Variants in SEMA6D observed in about 807,000 individuals in gnomAD.
The protein encoded by SEMA6D is semaphorin 6D, also known as semaphorin-6D.
Under a neutral mutation model 106.6 loss-of-function variants are expected in SEMA6D, and 35 were observed. The ratio of observed to expected loss-of-function variants is 0.33; its 90% CI spans 0.25 to 0.44. SEMA6D has a LOEUF of 0.44. SEMA6D is among the 20% of genes least tolerant of loss of function. The pLI, the probability that SEMA6D is intolerant of heterozygous loss-of-function variation, is 1.00. For synonymous variants in SEMA6D, 499 were observed against 487.7 expected, an observed-to-expected ratio of 1.02 and a Z score of -0.31; for missense variants, 1,185 against 1,345.9, an observed-to-expected ratio of 0.88 and a Z score of 1.87.
intron 4 of SEMA6D, among the ~76,000 whole-genome samples, chr15:47,611,302 T>C: frequency 6.6e-6 from 1 of 152,216 alleles, no homozygotes; most frequent in East Asian, 1.9e-4. Context: ...ACCTTGCCTT[T>C]TTTATACCCT....
At chr15:47,244,804 G>A (rs2033110513) in intron 1 of SEMA6D, among the ~76,000 whole-genome samples, 1 of 152,176 alleles carries the variant, frequency 6.6e-6, no homozygotes, top group Admixed American at 6.5e-5. Context: ...ACCAGATAGT[G>A]AGAATAGTAC....
intron 1 of SEMA6D, among the ~76,000 whole-genome samples, chr15:47,737,743 C>T (rs555903865): frequency 5.3e-4 from 81 of 151,900 alleles, no homozygotes; most frequent in African/African-American, 1.9e-3. Context: ...CGTTTTTTTC[C>T]TTCCTACTTT....
intron 1 of SEMA6D, among the ~76,000 whole-genome samples, chr15:47,389,836 A>T (rs1484327966): frequency 6.6e-6 from 1 of 152,076 alleles, no homozygotes; most frequent in Non-Finnish European, 1.5e-5. Context: ...ATTTATTTCA[A>T]ATATATTCAC....
intron 1 of SEMA6D, among the ~76,000 whole-genome samples, chr15:47,278,040 C>T (rs2034919200): frequency 1.3e-5 from 2 of 151,894 alleles, no homozygotes; most frequent in African/African-American, 4.8e-5. Context: ...GGTTCCAAGT[C>T]TTTGCTATTG....
At chr15:47,314,039 C>T (rs898197749) in intron 1 of SEMA6D, among the ~76,000 whole-genome samples, 7 of 152,110 alleles carry the variant, frequency 4.6e-5, no homozygotes, top group Non-Finnish European at 1.0e-4. Flanking sequence ...AGTGGCTGTA[C>T]ATTTTTTATT....
intron 3 of SEMA6D, among the ~76,000 whole-genome samples, chr15:47,547,789 T>C (rs934481210): frequency 1.3e-5 from 2 of 152,156 alleles, no homozygotes; most frequent in Non-Finnish European, 2.9e-5. Flanking sequence ...TCTAAAGCAT[T>C]ATTAACATTC....
intron 3 of SEMA6D, among the ~76,000 whole-genome samples, chr15:47,557,030 A>G (rs1212890600): frequency 2.0e-5 from 3 of 152,154 alleles, no homozygotes; most frequent in African/African-American, 4.8e-5. Context: ...AAAAGAGACA[A>G]TGTAGAGCAT....
At chr15:47,600,061 T>A in intron 3 of SEMA6D, among the ~76,000 whole-genome samples, 1 of 152,094 alleles carries the variant, frequency 6.6e-6, no homozygotes, top group East Asian at 1.9e-4. Context: ...CACTTGGTGA[T>A]AGTGGTGTTA....
intron 1 of SEMA6D, among the ~76,000 whole-genome samples, chr15:47,284,411 T>TAA (rs2035268916): frequency 1.3e-5 from 2 of 152,158 alleles, no homozygotes; most frequent in Non-Finnish European, 2.9e-5. Context: ...TAACATAAGT[T>TAA]TATTATGATG....
At chr15:47,615,472 A>G (rs989349825) in intron 4 of SEMA6D, among the ~76,000 whole-genome samples, 6 of 152,214 alleles carry the variant, frequency 3.9e-5, no homozygotes, top group African/African-American at 1.4e-4. Context: ...TTTTAACTGT[A>G]AAAATTAAGG....
chr15:47,571,281 C>A (rs1263879637), intron 3 of SEMA6D, among the ~76,000 whole-genome samples: 1 of 152,132 alleles, frequency 6.6e-6, no homozygotes, highest in Non-Finnish European at 1.5e-5. Flanking sequence ...AAAAAAAATT[C>A]TGGAGCCCAA....
chr15:47,748,216 G>A (rs766527438), intron 1 of SEMA6D, among the ~76,000 whole-genome samples: 5 of 152,216 alleles, frequency 3.3e-5, no homozygotes, highest in African/African-American at 4.8e-5. Context: ...TTGTGCCAAC[G>A]CTGCAGGAGA....
intron 17 of SEMA6D, 86 bp from the exon 18 acceptor site, chr15:47,768,495 C>T: frequency 8.5e-7 from 1 of 1,171,608 alleles, no homozygotes; most frequent in Non-Finnish European, 1.2e-6. Context: ...ATAAAATTTA[C>T]TCAAACTTTA....
intron 1 of SEMA6D, among the ~76,000 whole-genome samples, chr15:47,211,317 C>A (rs994050645): frequency 5.9e-5 from 9 of 152,120 alleles, no homozygotes; most frequent in African/African-American, 2.2e-4. Context: ...GGATTTACTT[C>A]ATTCTCTTTA....
At chr15:47,331,207 G>T (rs1290513853) in intron 1 of SEMA6D, among the ~76,000 whole-genome samples, 1 of 152,146 alleles carries the variant, frequency 6.6e-6, no homozygotes, top group Non-Finnish European at 1.5e-5. Context: ...ACCTTGGGCA[G>T]CCCATATTAT....
rs542266743 is a variant in SEMA6D, at chr15:47,349,545, AT to A, written c.-238-62846del. 4.5e-3 allele frequency among the ~76,000 whole-genome samples: 692 copies of A among 152,218 alleles called. 4 individuals are homozygous for A. Among genetic ancestry groups the A allele is most frequent in the African/African-American group, 0.016 (662 of 41,534 alleles). On this transcript the variant is annotated intron_variant, in intron 1 of 19. Transcript: ENST00000558014. The stretch of plus-strand genomic sequence containing the variant: ...CTGCTGCTTGAAGGGCCTTTGTCTG[AT>A]TGTTTTAAAATGTGAATGCTATTTT...
chr15:47,447,590 G>A (rs1422646959), intron 2 of SEMA6D, among the ~76,000 whole-genome samples: 2 of 152,098 alleles, frequency 1.3e-5, no homozygotes, highest in South Asian at 4.1e-4. Flanking sequence ...TTTCAGACAT[G>A]GCCCTATATA....
At chr15:47,763,775 C>G (rs1469401270) in intron 9 of SEMA6D, 75 bp from the exon 10 acceptor site, 6 of 1,319,342 alleles carry the variant, frequency 4.5e-6, no homozygotes, top group Non-Finnish European at 6.5e-6. Context: ...TTGTCCCTCC[C>G]TTAAACAGTA....
At chr15:47,507,264 G>C (rs907546700) in intron 3 of SEMA6D, among the ~76,000 whole-genome samples, 1 of 152,154 alleles carries the variant, frequency 6.6e-6, no homozygotes, top group Non-Finnish European at 1.5e-5. Context: ...AGAAAGAAGA[G>C]TTCCAGTTGT....
Sources: allele counts gnomAD v4.1 joint callset (sites outside exome capture counted in the v4.1 genomes callset), GRCh38; gene constraint gnomAD v4.1.1; transcripts MANE v1.5; gene names NCBI Gene and HGNC (gene_info 2026-07-23, HGNC 2026-07-21).